Variants in ATP1A2 observed in about 807,000 individuals in gnomAD.
ATP1A2 encodes sodium/potassium-transporting ATPase subunit alpha-2.
A neutral mutation model predicts 113.1 loss-of-function variants in ATP1A2; 56 were observed. The observed-to-expected ratio is 0.49, with a 90% confidence interval of 0.40 to 0.62. The LOEUF (loss-of-function observed/expected upper bound fraction) is 0.62. Ranked by LOEUF, ATP1A2 falls within the 20% of genes least tolerant of loss-of-function variation. ATP1A2 has a pLI of 0.00. For synonymous variants in ATP1A2, 490 were observed against 526.8 expected (o/e 0.93, Z 0.96); for missense variants, 712 against 1,357.8 (o/e 0.52, Z 7.47).
intron 1 of ATP1A2, among the ~76,000 whole-genome samples, chr1:160,117,496 T>C (rs1039275572): frequency 6.6e-6 from 1 of 152,162 alleles, no homozygotes; most frequent in Non-Finnish European, 1.5e-5. Flanking sequence ...CCATCCTAAG[T>C]TGCTGTGGGT....
At chr1:160,140,951 C>T (rs553073716) in intron 22 of ATP1A2, among the ~76,000 whole-genome samples, 2 of 151,384 alleles carry the variant, frequency 1.3e-5, no homozygotes, top group Admixed American at 6.6e-5. Context: ...CAAGCTCCGC[C>T]TCCTGGGTTC....
chr1:160,118,493 C>T (rs965646232), intron 1 of ATP1A2, among the ~76,000 whole-genome samples: 8 of 152,196 alleles, frequency 5.3e-5, no homozygotes, highest in African/African-American at 1.9e-4. Flanking sequence ...TTAAATGAAT[C>T]CTCTTAGGTC....
chr1:160,124,177 A>G (rs1570985391), intron 5 of ATP1A2, 119 bp from the exon 6 acceptor site: 1 of 1,554,490 alleles, frequency 6.4e-7, no homozygotes, highest in East Asian at 2.4e-5. Flanking sequence ...CCAGCTTTCC[A>G]TGCCAGCACC....
At position 160,143,465 on chromosome 1, in the gene ATP1A2, A is replaced by C. The variant is rs766621136; in HGVS notation, c.*2143A>C. The C allele has an allele frequency of 3.3e-5, 5 of 152,640 alleles. No individual in the cohort carries two copies. Among genetic ancestry groups the C allele is most frequent in the Non-Finnish European group, 7.3e-5 (5 of 68,040 alleles). The allele number at this position is 152,640 out of a possible 1,614,324, so 9.5% of individuals were successfully genotyped here. On this transcript the variant is annotated 3_prime_UTR_variant, in exon 23 of 23. Coordinates refer to ENST00000361216, the MANE Select transcript of ATP1A2 (RefSeq NM_000702.4). ...GCGAGTGCATGGGCTAATTATCATC[A>C]ATCTTTATGTATTTGTTAAAGAAAC...
rs1131691922 is a variant in ATP1A2, at chr1:160,135,548, G to A, written c.2230G>A (p.Asp744Asn). The change falls in exon 16 of 23, where the codon GAC becomes AAC. Residue 744 changes from aspartate to asparagine, a missense_variant. Coordinates refer to ENST00000361216, the MANE Select transcript of ATP1A2 (RefSeq NM_000702.4). This position sits in a 1 kb window ranked among gnomAD's most constrained non-coding sequence, Gnocchi z 6.3. ...SGSDVSKQAADMILLDDNFAS... is the reference protein window; with the variant it reads ...SGSDVSKQAANMILLDDNFAS... ...CTCTGACGTCTCTAAGCAGGCAGCC[G>A]ACATGATCCTGCTGGATGACAACTT... 2 of 1,614,176 alleles carry A rather than the reference G, an allele frequency of 1.2e-6. No homozygotes were observed. Among genetic ancestry groups the A allele is most frequent in the Non-Finnish European group, 1.7e-6 (2 of 1,180,022 alleles).
intron 13 of ATP1A2, among the ~76,000 whole-genome samples, chr1:160,133,547 A>G (rs561672330): frequency 4.6e-5 from 7 of 152,232 alleles, no homozygotes; most frequent in Non-Finnish European, 8.8e-5. Context: ...TGGTGAAGGT[A>G]GGGACCACCG....
At chr1:160,128,527 G>A (rs1651657081) in intron 8 of ATP1A2, 125 bp from the exon 9 acceptor site, 1 of 1,557,068 alleles carries the variant, frequency 6.4e-7, no homozygotes, top group Non-Finnish European at 8.7e-7. Flanking sequence ...TTACAGCTAA[G>A]TCCCACCCAT....
At chr1:160,124,540 A>C in intron 6 of ATP1A2, 110 bp downstream of exon 6, 3 of 1,498,464 alleles carry the variant, frequency 2.0e-6, no homozygotes, top group Non-Finnish European at 2.7e-6. Flanking sequence ...TCCAAATGTC[A>C]ACACCATGCC....
At chr1:160,118,191 G>T (rs895567569) in intron 1 of ATP1A2, among the ~76,000 whole-genome samples, 2 of 152,236 alleles carry the variant, frequency 1.3e-5, no homozygotes, top group African/African-American at 4.8e-5. Context: ...ATGCCAAAGT[G>T]CATGGACCAG....
At position 160,129,038 on chromosome 1, in the gene ATP1A2, C is replaced by A; in HGVS notation, c.1275C>A (p.Leu425=). 6.2e-7 allele frequency: 1 copy of A among 1,612,364 alleles called. No individual in the cohort carries two copies. ...TWTALSRIAG[L]CNRAVFKAGQ... is the part of the protein sequence containing the mutation. ...CGGCCCTGTCTCGAATTGCTGGTCT[C>A]TGCAACCGCGCCGTCTTCAAGGCAG... The change falls in exon 10 of 23, where the codon CTC becomes CTA. Residue 425 remains leucine (L), a synonymous_variant. Coordinates refer to ENST00000361216, the MANE Select transcript of ATP1A2 (RefSeq NM_000702.4).
In ATP1A2 at chr1:160,135,642, T is replaced by C; in HGVS notation, c.2284+40T>C. On this transcript the variant is annotated intron_variant, in intron 16 of 22. Coordinates refer to ENST00000361216, the MANE Select transcript of ATP1A2 (RefSeq NM_000702.4). This position sits in a 1 kb window ranked among gnomAD's most constrained non-coding sequence, Gnocchi z 6.3. ...TGGGTTGGGATGGTTTGCAGGATAC[T>C]GAAGCCGGCACCTCTGTTCCCTGTC... The C allele has an allele frequency of 6.2e-7, 1 of 1,612,650 alleles. No individual in the cohort carries two copies. Among genetic ancestry groups the C allele is most frequent in the Non-Finnish European group, 8.5e-7 (1 of 1,179,980 alleles).
chr1:160,125,559 A>G (rs534390138), intron 7 of ATP1A2: 50 of 394,010 alleles, frequency 1.3e-4, no homozygotes, highest in Non-Finnish European at 2.2e-4. Context: ...GCGCACACAC[A>G]GATGCACATA....
At chr1:160,127,512 A>G in intron 7 of ATP1A2, 40 bp from the exon 8 acceptor site, 9 of 1,613,336 alleles carry the variant, frequency 5.6e-6, no homozygotes, top group Non-Finnish European at 7.6e-6. Context: ...AGTCCCTGGG[A>G]GCCACAAGGC....
Position 160,135,426 on chromosome 1 carries a change from C to T in ATP1A2, c.2116-8C>T. Reference sequence around the variant, plus strand: ...TTTCGTCCTCAAGTGTGGCCGTCTTCCCTCCAGGGAGCCATTGTGGCCGTG... The same window carrying T: ...TTTCGTCCTCAAGTGTGGCCGTCTTTCCTCCAGGGAGCCATTGTGGCCGTG... On this transcript the variant is annotated splice_region_variant and splice_polypyrimidine_tract_variant and intron_variant, in intron 15 of 22. Transcript: ENST00000361216. This position sits in a 1 kb window ranked among gnomAD's most constrained non-coding sequence, Gnocchi z 6.3. The T allele has an allele frequency of 3.7e-6, 6 of 1,614,184 alleles. No individual in the cohort carries two copies. The highest frequency in any genetic ancestry group is 5.1e-6 in the Non-Finnish European group (6 of 1,180,038).
intron 13 of ATP1A2, 143 bp from the exon 14 acceptor site, chr1:160,134,341 G>A (rs954640136): frequency 2.3e-5 from 26 of 1,152,664 alleles, no homozygotes; most frequent in East Asian, 1.3e-4. Flanking sequence ...GCCCACAGAC[G>A]CACACACACA....
chr1:160,134,238 C>CAT (rs2101993844), intron 13 of ATP1A2, among the ~76,000 whole-genome samples: 1 of 121,496 alleles, frequency 8.2e-6, no homozygotes, highest in South Asian at 2.5e-4. Context: ...TCCCCACCCA[C>CAT]ACACACACAC....
chr1:160,127,429 G>T, intron 7 of ATP1A2, 123 bp from the exon 8 acceptor site: 3 of 1,376,820 alleles, frequency 2.2e-6, no homozygotes, highest in Non-Finnish European at 3.0e-6. Context: ...ACTGAATGTG[G>T]CCTCCAGATC....
rs763851743 is a variant in ATP1A2 at position 160,137,044 on chromosome 1, C to T, written c.2840+13C>T. 5.6e-6 allele frequency: 9 copies of T among 1,614,008 alleles called. No homozygotes were observed. The South Asian group carries it at 8.8e-5, about 16-fold the overall frequency. On this transcript the variant is annotated intron_variant, in intron 20 of 22. Transcript: ENST00000361216. ...AGCAGGGCATGAAGTGAGTGCCCAC[C>T]CCCATGGCACCTACCCACCCAGGCT...
At chr1:160,128,480 C>G (rs1047757058) in intron 8 of ATP1A2, 172 bp from the exon 9 acceptor site, 1 of 1,531,640 alleles carries the variant, frequency 6.5e-7, no homozygotes, top group African/African-American at 1.4e-5. Context: ...AACAGATACT[C>G]ATGATCTCAA....
Sources: gnomAD v4.1 joint callset for allele counts (sites outside exome capture counted in the v4.1 genomes callset) on GRCh38, gnomAD v4.1.1 for gene constraint, Gnocchi (gnomAD v3.1) non-coding constraint, MANE v1.5 for transcripts, NCBI Gene and HGNC (gene_info 2026-07-23, HGNC 2026-07-21) for gene names.